The following SH2B3 variants were observed in gnomAD, a reference collection of about 807,000 sequenced individuals.
SH2B3 encodes the protein SH2B adaptor protein 3, also known as SH2B adapter protein 3.
In SH2B3, 43 loss-of-function variants were observed where a neutral mutation model predicts 51.9. That is an observed-to-expected ratio of 0.83 (90% CI 0.65 to 1.07). The LOEUF is 1.07. Ranked by LOEUF, SH2B3 falls within the 50% of genes least tolerant of loss-of-function variation. SH2B3 has a pLI of 0.00. For synonymous variants in SH2B3, 396 were observed against 376.0 expected, an observed-to-expected ratio of 1.05 and a Z score of -0.62; for missense variants, 952 against 834.3, an observed-to-expected ratio of 1.14 and a Z score of -1.74.
At chr12:111,432,102 G>T (rs1388816011) in intron 2 of SH2B3, among the ~76,000 whole-genome samples, 1 of 150,172 alleles carries the variant, frequency 6.7e-6, no homozygotes, top group African/African-American at 2.5e-5. Flanking sequence ...TTTGTGTCCT[G>T]AACATTTTTC....
Position 111,405,962 on chromosome 12 carries a change from TCCGCCCGGCTGC to T in SH2B3, c.-334_-323del, listed in dbSNP as rs1301380768. On this transcript the variant is annotated 5_prime_UTR_variant, in exon 1 of 8. Coordinates refer to ENST00000341259, the MANE Select transcript of SH2B3 (RefSeq NM_005475.3). The surrounding 1 kb of genome is among the most constrained non-coding windows in gnomAD (Gnocchi z 5.4). ...GGCGGCATGGGCCCGGGCCACCGCC[TCCGCCCGGCTGC>T]CCGCCCGGACTGTCGCGGCCCGCGG... 2 of 151,294 alleles carry T rather than the reference TCCGCCCGGCTGC, an allele frequency of 1.3e-5. No individual in the cohort carries two copies. 9.4% of individuals were successfully genotyped at this position (151,294 alleles called of 1,614,324 possible).
upstream of SH2B3, chr12:111,405,847 T>TGGCCCCGCCCC (rs1159943196): frequency 6.4e-4 from 97 of 150,924 alleles, no homozygotes; most frequent in Middle Eastern, 3.4e-3. This position sits in a 1 kb window ranked among gnomAD's most constrained non-coding sequence, Gnocchi z 5.4. Flanking sequence ...TGGCTCCTGG[T>TGGCCCCGCCCC]GGCCCCGCCC....
At chr12:111,437,751 A>G (rs1276503993) in intron 2 of SH2B3, among the ~76,000 whole-genome samples, 1 of 152,178 alleles carries the variant, frequency 6.6e-6, no homozygotes, top group Admixed American at 6.5e-5. Flanking sequence ...TTGCCCCCCA[A>G]GGAGCTTGGG....
chr12:111,414,748 A>G (rs1257736491), intron 1 of SH2B3, among the ~76,000 whole-genome samples: 3 of 152,100 alleles, frequency 2.0e-5, no homozygotes, highest in Non-Finnish European at 4.4e-5. Context: ...TGCCCTGCAG[A>G]CATGCCCAGC....
chr12:111,404,843 C>T (rs371752853), upstream of SH2B3, among the ~76,000 whole-genome samples: 9 of 152,300 alleles, frequency 5.9e-5, no homozygotes, highest in South Asian at 1.2e-3. Context: ...ATTTCATAGG[C>T]AAGGAAGTGG....
At chr12:111,422,685 C>G (rs969338328) in intron 2 of SH2B3, among the ~76,000 whole-genome samples, 4 of 151,962 alleles carry the variant, frequency 2.6e-5, no homozygotes, top group Admixed American at 2.6e-4. Flanking sequence ...CTCAGCCTCC[C>G]GAGTAGCTGG....
chr12:111,421,098 T>C (rs1392801961), intron 2 of SH2B3, among the ~76,000 whole-genome samples: 1 of 152,198 alleles, frequency 6.6e-6, no homozygotes, highest in Non-Finnish European at 1.5e-5. Flanking sequence ...TCTCTGTTCT[T>C]GAACATCATG....
chr12:111,435,147 C>A lies in SH2B3; in HGVS notation c.733-11606C>A. On this transcript the variant is annotated intron_variant, in intron 2 of 7. Coordinates refer to ENST00000341259, the MANE Select transcript of SH2B3 (RefSeq NM_005475.3). The surrounding 1 kb of genome is among the most constrained non-coding windows in gnomAD (Gnocchi z 4.8). ...CAGAGGTTTTTTGTTGTTTCTTAAC[C>A]ACATCTTTTTCCACCCACACCCGGT... 1.2e-6 allele frequency: 1 copy of A among 811,578 alleles called. No individual in the cohort carries two copies. The highest frequency in any genetic ancestry group is 1.9e-6 in the Non-Finnish European group (1 of 523,526). The allele number at this position is 811,578 out of a possible 1,614,324, so 50.3% of individuals were successfully genotyped here.
chr12:111,423,043 G>A lies in SH2B3; in HGVS notation c.732+4166G>A, dbSNP rs527708292. On this transcript the variant is annotated intron_variant, in intron 2 of 7. Coordinates refer to ENST00000341259, the MANE Select transcript of SH2B3 (RefSeq NM_005475.3). ...CTAAGTAAATCACTGGGCCTTCCAG[G>A]CAGAGGGAACAGCATGGGCAGAGAC... Among the ~76,000 whole-genome samples, 3 of 152,278 alleles carry A rather than the reference G, an allele frequency of 2.0e-5. No homozygotes were observed. The East Asian group carries it at 5.8e-4, about 29-fold the overall frequency.
chr12:111,446,477 A>ATTCC (rs1873964436), intron 2 of SH2B3, among the ~76,000 whole-genome samples: 2 of 152,346 alleles, frequency 1.3e-5, no homozygotes. Context: ...GATGTCAGAC[A>ATTCC]CATGGCAGAG....
intron 2 of SH2B3, among the ~76,000 whole-genome samples, chr12:111,437,109 G>A (rs1218137518): frequency 1.3e-5 from 2 of 152,152 alleles, no homozygotes; most frequent in East Asian, 1.9e-4. Flanking sequence ...TCCTCTCAGG[G>A]TTGGGGTGGG....
chr12:111,437,871 C>T (rs1873025395), intron 2 of SH2B3, among the ~76,000 whole-genome samples: 1 of 152,198 alleles, frequency 6.6e-6, no homozygotes, highest in Admixed American at 6.5e-5. Flanking sequence ...ATCCATCCAC[C>T]CGGCAAACCC....
chr12:111,442,750 C>T (rs1873548206), intron 2 of SH2B3, among the ~76,000 whole-genome samples: 1 of 152,244 alleles, frequency 6.6e-6, no homozygotes, highest in South Asian at 2.1e-4. Context: ...CTTCTGGGGG[C>T]TGCTGTGGCA....
intron 2 of SH2B3, chr12:111,444,196 A>C (rs1873702624): frequency 6.6e-6 from 1 of 152,232 alleles, no homozygotes; most frequent in South Asian, 2.1e-4. Flanking sequence ...ATCTGTCTCA[A>C]AAAACAAAAA....
chr12:111,442,490 C>T (rs1690763662), intron 2 of SH2B3, among the ~76,000 whole-genome samples: 2 of 152,136 alleles, frequency 1.3e-5, no homozygotes, highest in Non-Finnish European at 2.9e-5. Flanking sequence ...AATGTGGGCT[C>T]AAAGGCTCTG....
Position 111,418,061 on chromosome 12 carries a change from T to C in SH2B3, c.-27-58T>C. ...GTGGTGCCCGGTGTGTAATGGGGCC[T>C]ACACCTGCTTGCCCACCTGCTTACT... On this transcript the variant is annotated intron_variant, in intron 1 of 7. Transcript: ENST00000341259. The surrounding 1 kb of genome is among the most constrained non-coding windows in gnomAD (Gnocchi z 6.7). 1 of 1,339,330 alleles carries C rather than the reference T, an allele frequency of 7.5e-7. No homozygotes were observed. Among genetic ancestry groups the C allele is most frequent in the African/African-American group, 1.5e-5 (1 of 65,340 alleles). The allele number at this position is 1,339,330 out of a possible 1,614,324, so 83.0% of individuals were successfully genotyped here.
chr12:111,438,696 C>T lies in SH2B3; in HGVS notation c.733-8057C>T, dbSNP rs990126055. 9.9e-5 allele frequency among the ~76,000 whole-genome samples: 15 copies of T among 152,186 alleles called. No homozygotes were observed. The highest frequency in any genetic ancestry group is 3.1e-4 in the African/African-American group (13 of 41,448). ...TGCGCAAGACCAGCTCATAGGACAA[C>T]AGGCAGGGAAGGAAGTGAAGGGGCT... On this transcript the variant is annotated intron_variant, in intron 2 of 7. Coordinates refer to ENST00000341259, the MANE Select transcript of SH2B3 (RefSeq NM_005475.3). The surrounding 1 kb of genome is among the most constrained non-coding windows in gnomAD (Gnocchi z 4.2).
intron 2 of SH2B3, among the ~76,000 whole-genome samples, chr12:111,421,401 C>CTTTTTTTTTTTT (rs550860498): frequency 1.1e-5 from 1 of 90,618 alleles, no homozygotes; most frequent in Non-Finnish European, 2.1e-5. Context: ...TAGTGTCTTC[C>CTTTTTTTTTTTT]TTTTTTTTTT....
intron 2 of SH2B3, among the ~76,000 whole-genome samples, chr12:111,423,263 G>A (rs574894693): frequency 1.3e-5 from 2 of 152,176 alleles, no homozygotes; most frequent in African/African-American, 2.4e-5. Flanking sequence ...GATAAAAAAC[G>A]GTTTTCTCAT....
Sources: gnomAD v4.1 joint callset for allele counts (sites outside exome capture counted in the v4.1 genomes callset) on GRCh38, gnomAD v4.1.1 for gene constraint, Gnocchi (gnomAD v3.1) non-coding constraint, MANE v1.5 for transcripts, NCBI Gene and HGNC (gene_info 2026-07-23, HGNC 2026-07-21) for gene names.